Variants in FHOD3 observed in about 807,000 individuals in gnomAD.
FHOD3 encodes the protein FH1/FH2 domain-containing protein 3.
Under a neutral mutation model 173.0 loss-of-function variants are expected in FHOD3, and 90 were observed. The ratio of observed to expected loss-of-function variants is 0.52; its 90% CI spans 0.44 to 0.62. The LOEUF (loss-of-function observed/expected upper bound fraction) is 0.62. Among genes scored for constraint, FHOD3 ranks in the 20% least tolerant of loss-of-function variants. FHOD3 has a pLI of 0.00. For missense variants in FHOD3, 1,945 were observed against 2,034.7 expected (o/e 0.96, Z 0.85); for synonymous variants, 828 against 823.0 (o/e 1.01, Z -0.10).
chr18:36,536,374 G>C (rs2056992951), intron 5 of FHOD3, among the ~76,000 whole-genome samples: 1 of 152,174 alleles, frequency 6.6e-6, no homozygotes, highest in South Asian at 2.1e-4. Flanking sequence ...CTGTGTATTT[G>C]AGTAATTTTA....
intron 14 of FHOD3, among the ~76,000 whole-genome samples, chr18:36,664,891 C>T (rs780065903): frequency 6.6e-6 from 1 of 151,710 alleles, no homozygotes; most frequent in Non-Finnish European, 1.5e-5. Context: ...AATCCCAGCA[C>T]TTTGGGAGGC....
At chr18:36,663,891 A>C (rs1002271094) in intron 14 of FHOD3, among the ~76,000 whole-genome samples, 70 of 152,208 alleles carry the variant, frequency 4.6e-4, no homozygotes, top group African/African-American at 1.6e-3. Context: ...ATGAATCCAC[A>C]TGCTTGTGTC....
intron 5 of FHOD3, among the ~76,000 whole-genome samples, chr18:36,532,599 G>A (rs2056831831): frequency 6.6e-6 from 1 of 152,130 alleles, no homozygotes. Context: ...AATGGAAACC[G>A]AAGCTCTTCC....
At chr18:36,489,340 C>T (rs1391599635) in intron 3 of FHOD3, among the ~76,000 whole-genome samples, 1 of 152,138 alleles carries the variant, frequency 6.6e-6, no homozygotes, top group East Asian at 1.9e-4. Flanking sequence ...TGTGCCATGG[C>T]CATCTCAGGA....
At chr18:36,767,444 T>C (rs113879812) in intron 27 of FHOD3, among the ~76,000 whole-genome samples, 5,893 of 152,168 alleles carry the variant, frequency 0.039, 382 homozygotes, top group African/African-American at 0.14. Flanking sequence ...CTCAGCCTCC[T>C]GAGTAGCTGG....
At chr18:36,640,327 T>C (rs906874054) in intron 10 of FHOD3, among the ~76,000 whole-genome samples, 1 of 152,236 alleles carries the variant, frequency 6.6e-6, no homozygotes, top group African/African-American at 2.4e-5. Flanking sequence ...AACTCTACTT[T>C]TAAGTGAAAT....
At chr18:36,358,167 C>T (rs1229717037) in intron 2 of FHOD3, among the ~76,000 whole-genome samples, 1 of 152,180 alleles carries the variant, frequency 6.6e-6, no homozygotes, top group South Asian at 2.1e-4. Flanking sequence ...GTGACCAATT[C>T]CCAAGACTGT....
At chr18:36,404,694 A>G (rs1211620725) in intron 3 of FHOD3, among the ~76,000 whole-genome samples, 1 of 152,114 alleles carries the variant, frequency 6.6e-6, no homozygotes, top group Admixed American at 6.5e-5. Flanking sequence ...CACCCAGTTC[A>G]GTGGCTATTG....
At chr18:36,547,424 C>T (rs956760697) in intron 5 of FHOD3, among the ~76,000 whole-genome samples, 3 of 152,132 alleles carry the variant, frequency 2.0e-5, no homozygotes, top group African/African-American at 4.8e-5. Context: ...AGATTTGTCA[C>T]AGGTTAAACC....
intron 3 of FHOD3, among the ~76,000 whole-genome samples, chr18:36,439,520 A>AGT (rs2051005454): frequency 5.4e-5 from 4 of 73,486 alleles, no homozygotes; most frequent in South Asian, 1.1e-3. Context: ...AAACCAATAG[A>AGT]ATGTGTGTGT....
intron 14 of FHOD3, among the ~76,000 whole-genome samples, chr18:36,677,501 T>A (rs1473155116): frequency 6.6e-6 from 1 of 152,212 alleles, no homozygotes; most frequent in East Asian, 1.9e-4. Flanking sequence ...TGTTAAACAG[T>A]CCATCACTTC....
At chr18:36,609,899 A>G (rs1485846916) in intron 8 of FHOD3, among the ~76,000 whole-genome samples, 9 of 152,214 alleles carry the variant, frequency 5.9e-5, no homozygotes, top group Admixed American at 5.9e-4. Context: ...GGTATGAGCC[A>G]CTGTGCCTGG....
At chr18:36,601,036 AGATT>A (rs1271659501) in intron 7 of FHOD3, among the ~76,000 whole-genome samples, 1 of 152,246 alleles carries the variant, frequency 6.6e-6, no homozygotes, top group Non-Finnish European at 1.5e-5. Context: ...CCTGCTGATC[AGATT>A]GATTGACTGT....
At chr18:36,519,636 G>T (rs1005773566) in intron 5 of FHOD3, among the ~76,000 whole-genome samples, 4 of 152,200 alleles carry the variant, frequency 2.6e-5, no homozygotes, top group African/African-American at 9.6e-5. Flanking sequence ...CTCCTGCCAG[G>T]GGAAGCAAGG....
intron 5 of FHOD3, among the ~76,000 whole-genome samples, chr18:36,523,176 C>T (rs1208653114): frequency 6.6e-6 from 1 of 152,140 alleles, no homozygotes; most frequent in Non-Finnish European, 1.5e-5. Flanking sequence ...GAATTACAGC[C>T]CTCTTTTCTC....
At chr18:36,644,140 A>G (rs2035522537) in intron 10 of FHOD3, among the ~76,000 whole-genome samples, 1 of 152,184 alleles carries the variant, frequency 6.6e-6, no homozygotes, top group Non-Finnish European at 1.5e-5. Flanking sequence ...GTGAAAAGGA[A>G]GATACCTAAT....
chr18:36,532,257 G>A (rs1379245025), intron 5 of FHOD3, among the ~76,000 whole-genome samples: 2 of 152,124 alleles, frequency 1.3e-5, no homozygotes, highest in East Asian at 1.9e-4. Context: ...GTGAGTGTTC[G>A]GGGAACACAG....
In FHOD3 at chr18:36,698,688, C is replaced by T. The variant is rs182860329; in HGVS notation, c.2236+5265C>T. On this transcript the variant is annotated intron_variant, in intron 17 of 28. Transcript: ENST00000590592. The stretch of plus-strand genomic sequence containing the variant: ...GAGCTATGAAGGAACTGAAACATTA[C>T]CCTATTTGTAAGCTAATGTGCTGCC... Among the ~76,000 whole-genome samples the T allele has an allele frequency of 2.1e-3, 321 of 152,292 alleles. 4 individuals are homozygous for T. Among genetic ancestry groups the T allele is most frequent in the Non-Finnish European group, 5.6e-4 (38 of 68,032 alleles).
At chr18:36,741,654 C>A (rs1239861871) in intron 21 of FHOD3, among the ~76,000 whole-genome samples, 1 of 151,880 alleles carries the variant, frequency 6.6e-6, no homozygotes, top group African/African-American at 2.4e-5. Context: ...ACTTGTAGTC[C>A]CAGCTACTCA....
Sources: gnomAD v4.1 joint callset for allele counts (sites outside exome capture counted in the v4.1 genomes callset) on GRCh38, gnomAD v4.1.1 for gene constraint, MANE v1.5 for transcripts, NCBI Gene and HGNC (gene_info 2026-07-23, HGNC 2026-07-21) for gene names.